Variants in COL19A1 observed in about 807,000 individuals in gnomAD.
COL19A1 encodes collagen type XIX alpha 1 chain.
In COL19A1, 159 loss-of-function variants were observed where a neutral mutation model predicts 190.2. The ratio of observed to expected loss-of-function variants is 0.84; its 90% CI spans 0.73 to 0.95. The LOEUF is 0.95. Ranked by LOEUF, COL19A1 falls within the 40% of genes least tolerant of loss-of-function variation. The pLI, the probability that COL19A1 is intolerant of heterozygous loss-of-function variation, is 0.00. For missense variants in COL19A1, 1,418 were observed against 1,431.9 expected (o/e 0.99, Z 0.16); for synonymous variants, 509 against 458.9 (o/e 1.11, Z -1.39).
intron 41 of COL19A1, 83 bp from the exon 42 acceptor site, chr6:70,176,437 C>A: frequency 7.0e-7 from 1 of 1,428,116 alleles, no homozygotes; most frequent in Non-Finnish European, 9.7e-7. Context: ...TTTACCAAAT[C>A]CAAATTATTA....
At chr6:70,154,899 T>C (rs1268385116) in intron 31 of COL19A1, among the ~76,000 whole-genome samples, 1 of 152,120 alleles carries the variant, frequency 6.6e-6, no homozygotes, top group Non-Finnish European at 1.5e-5. Context: ...CCTGCTTTAT[T>C]CTAGCCGAGC....
intron 11 of COL19A1, among the ~76,000 whole-genome samples, chr6:69,983,038 A>C (rs1203602426): frequency 6.6e-6 from 1 of 151,384 alleles, no homozygotes; most frequent in Non-Finnish European, 1.5e-5. Flanking sequence ...TAAAATCAAC[A>C]TGCCAATTTC....
chr6:70,169,329 T>C (rs956462949), intron 40 of COL19A1, among the ~76,000 whole-genome samples: 1 of 152,188 alleles, frequency 6.6e-6, no homozygotes, highest in Non-Finnish European at 1.5e-5. Flanking sequence ...CTGTCATGTC[T>C]TTTTCAAGCA....
In COL19A1 at chr6:70,008,557, T is replaced by A. The variant is rs187310363; in HGVS notation, c.1027-15070T>A. On this transcript the variant is annotated intron_variant, in intron 11 of 50. Coordinates refer to ENST00000620364, the MANE Select transcript of COL19A1 (RefSeq NM_001858.6). ...ATTGTAATAGTTAAAATCTTGCTAT[T>A]AAAAAAAGCTTAGATTCAGATGTCT... Among the ~76,000 whole-genome samples, 719 of 152,040 alleles carry A rather than the reference T, an allele frequency of 4.7e-3. 7 individuals are homozygous for A. The highest frequency in any genetic ancestry group is 0.016 in the African/African-American group (681 of 41,540).
chr6:69,966,185 C>T (rs866871204), intron 11 of COL19A1, among the ~76,000 whole-genome samples: 10 of 152,104 alleles, frequency 6.6e-5, no homozygotes, highest in Admixed American at 1.3e-4. Flanking sequence ...CTGCCCCGTG[C>T]GGGAGGTGGG....
chr6:69,872,926 A>G (rs1234750428), intron 1 of COL19A1, among the ~76,000 whole-genome samples: 1 of 152,192 alleles, frequency 6.6e-6, no homozygotes, highest in African/African-American at 2.4e-5. Context: ...TAGGAATGTG[A>G]TATGTCTGTC....
At chr6:69,939,279 CAAACT>C (rs1773305018) in intron 9 of COL19A1, among the ~76,000 whole-genome samples, 1 of 152,086 alleles carries the variant, frequency 6.6e-6, no homozygotes, top group Admixed American at 6.6e-5. Context: ...CCACTTCAAT[CAAACT>C]AAACATACAA....
intron 14 of COL19A1, among the ~76,000 whole-genome samples, chr6:70,061,673 C>G (rs1027664181): frequency 2.6e-4 from 40 of 152,046 alleles, no homozygotes; most frequent in African/African-American, 9.6e-4. Flanking sequence ...AGTGAACTCC[C>G]TGATGTGTAT....
At chr6:69,920,136 AT>A (rs1327257359) in intron 4 of COL19A1, among the ~76,000 whole-genome samples, 4 of 152,228 alleles carry the variant, frequency 2.6e-5, no homozygotes, top group African/African-American at 9.7e-5. Flanking sequence ...AAAGAAAAAA[AT>A]AAAAATCTTT....
chr6:70,055,404 A>C (rs930718868), intron 14 of COL19A1, among the ~76,000 whole-genome samples: 24 of 152,172 alleles, frequency 1.6e-4, no homozygotes, highest in African/African-American at 5.8e-4. Context: ...GTAAAAAAAA[A>C]AAAATAGAGA....
intron 14 of COL19A1, among the ~76,000 whole-genome samples, chr6:70,058,381 A>G (rs1051696596): frequency 1.4e-4 from 22 of 152,034 alleles, no homozygotes; most frequent in African/African-American, 4.8e-4. Context: ...GAACTGGTTT[A>G]CTACAATTGG....
intron 15 of COL19A1, among the ~76,000 whole-genome samples, chr6:70,095,487 T>C (rs1317973882): frequency 6.6e-6 from 1 of 152,186 alleles, no homozygotes; most frequent in African/African-American, 2.4e-5. Context: ...AGAACTACCA[T>C]GTACTGGACA....
intron 14 of COL19A1, among the ~76,000 whole-genome samples, chr6:70,055,551 G>A (rs1389380228): frequency 1.3e-5 from 2 of 152,072 alleles, no homozygotes; most frequent in Non-Finnish European, 2.9e-5. Context: ...GGGGGCTGAG[G>A]TGGGTGGAAC....
At chr6:70,201,944 A>G (rs1254232339) in intron 49 of COL19A1, among the ~76,000 whole-genome samples, 1 of 152,234 alleles carries the variant, frequency 6.6e-6, no homozygotes, top group Admixed American at 6.5e-5. Context: ...TAGGTGTGAC[A>G]TGCTCAGAAG....
intron 12 of COL19A1, among the ~76,000 whole-genome samples, chr6:70,032,735 T>C (rs1779141792): frequency 6.6e-6 from 1 of 152,122 alleles, no homozygotes; most frequent in Admixed American, 6.6e-5. Context: ...GAAAGCTACA[T>C]GTGGCTGTGG....
intron 18 of COL19A1, among the ~76,000 whole-genome samples, chr6:70,133,298 C>T (rs1226144707): frequency 6.6e-6 from 1 of 152,328 alleles, no homozygotes. Context: ...CCCGACACTA[C>T]AATGAAGCAC....
intron 11 of COL19A1, among the ~76,000 whole-genome samples, chr6:70,004,132 G>A (rs908743633): frequency 1.3e-5 from 2 of 152,116 alleles, no homozygotes; most frequent in Admixed American, 6.5e-5. Flanking sequence ...CACTTATGAA[G>A]CTTAGTTTGG....
intron 4 of COL19A1, among the ~76,000 whole-genome samples, chr6:69,905,389 C>T (rs917739487): frequency 2.6e-5 from 4 of 152,236 alleles, no homozygotes; most frequent in African/African-American, 9.6e-5. Context: ...CTCCCACACA[C>T]AGCTACATGG....
chr6:69,885,156 G>A (rs937148856), intron 2 of COL19A1, among the ~76,000 whole-genome samples: 11 of 152,150 alleles, frequency 7.2e-5, no homozygotes, highest in Admixed American at 1.3e-4. Context: ...GAGCCACCGC[G>A]CTGGGCCCCT....
Sources: gnomAD v4.1 joint callset for allele counts (sites outside exome capture counted in the v4.1 genomes callset) on GRCh38, gnomAD v4.1.1 for gene constraint, MANE v1.5 for transcripts, NCBI Gene and HGNC (gene_info 2026-07-23, HGNC 2026-07-21) for gene names.